The following RFLNA variants were observed in gnomAD, a reference collection of about 807,000 sequenced individuals.
RFLNA encodes refilin A.
In RFLNA, 5 loss-of-function variants were observed where a neutral mutation model predicts 7.8. That is an observed-to-expected ratio of 0.64 (90% CI 0.34 to 1.35). The LOEUF (loss-of-function observed/expected upper bound fraction) is 1.35. Ranked by LOEUF, RFLNA falls within the 40% of genes most tolerant of loss-of-function variation. The pLI is 0.04. For synonymous variants in RFLNA, 141 were observed against 131.3 expected (o/e 1.07, Z -0.50); for missense variants, 278 against 305.5 (o/e 0.91, Z 0.67).
At chr12:124,310,547 G>A (rs1395053666) in intron 1 of RFLNA, among the ~76,000 whole-genome samples, 1 of 146,844 alleles carries the variant, frequency 6.8e-6, no homozygotes, top group Non-Finnish European at 1.5e-5. Flanking sequence ...ATGGGGTAGG[G>A]GTCCTTAGGC....
At chr12:124,310,384 T>G (rs2034221294) in intron 1 of RFLNA, among the ~76,000 whole-genome samples, 2 of 147,764 alleles carry the variant, frequency 1.4e-5, no homozygotes, top group Non-Finnish European at 1.5e-5. Context: ...AAGAGTGGGG[T>G]AGGGGGAGGG....
chr12:124,296,126 C>CTTTCTTTCTTTCTTTCTTTCTT (rs1566320083), intron 1 of RFLNA, among the ~76,000 whole-genome samples: 3 of 1,522 alleles, frequency 2.0e-3, no homozygotes, highest in Admixed American at 0.013. Context: ...CTTTCTTTCT[C>CTTTCTTTCTTTCTTTCTTTCTT]TCTCTCTCTC....
In RFLNA at chr12:124,314,656, G is replaced by C. The variant is rs780671090; in HGVS notation, c.*131G>C. On this transcript the variant is annotated 3_prime_UTR_variant, in exon 3 of 3. Transcript: ENST00000546355. Reference sequence around the variant, plus strand: ...AGGGAGGCTGCCAGACCAAGGACCCGTGTGGAAGGAGGCGGCTCCCCGCTG... The same window carrying C: ...AGGGAGGCTGCCAGACCAAGGACCCCTGTGGAAGGAGGCGGCTCCCCGCTG... 31 of 1,455,686 alleles carry C rather than the reference G, an allele frequency of 2.1e-5. No individual in the cohort carries two copies. The highest frequency in any genetic ancestry group is 2.7e-5 in the Non-Finnish European group (29 of 1,074,476). The allele number at this position is 1,455,686 out of a possible 1,614,324, so 90.2% of individuals were successfully genotyped here.
At chr12:124,300,458 G>A (rs1417936386) in intron 1 of RFLNA, among the ~76,000 whole-genome samples, 2 of 152,214 alleles carry the variant, frequency 1.3e-5, no homozygotes, top group East Asian at 1.9e-4. Context: ...TGGGACCCTT[G>A]GGACTCTTGG....
intron 1 of RFLNA, among the ~76,000 whole-genome samples, chr12:124,301,128 C>T (rs1395759304): frequency 6.6e-6 from 1 of 152,062 alleles, no homozygotes. Context: ...TATGTCAGGA[C>T]AAGGTGGGAG....
chr12:124,306,507 C>T lies in RFLNA; in HGVS notation c.208-5311C>T, dbSNP rs1593034846. On this transcript the variant is annotated intron_variant, in intron 1 of 2. Coordinates refer to ENST00000546355, the MANE Select transcript of RFLNA (RefSeq NM_001365156.1). The surrounding 1 kb of genome is among the most constrained non-coding windows in gnomAD (Gnocchi z 5.2). ...CTGAGGGGGCAGCGATGAGACAGGC[C>T]CCTGGGCATGAAAGGCAGTGGAGGA... Among the ~76,000 whole-genome samples, 2 of 152,122 alleles carry T rather than the reference C, an allele frequency of 1.3e-5. No homozygotes were observed. The highest frequency in any genetic ancestry group is 4.2e-4 in the South Asian group (2 of 4,818).
Position 124,300,624 on chromosome 12 carries a change from GTGGA to G in RFLNA, c.207+5010_207+5013del, listed in dbSNP as rs575581309. ...GATGGATGGATGGACAGAAGAATGG[GTGGA>G]TGGATGGATGGATGGATGGATCGAT... On this transcript the variant is annotated intron_variant, in intron 1 of 2. Transcript: ENST00000546355. Among the ~76,000 whole-genome samples the G allele has an allele frequency of 5.4e-5, 8 of 148,730 alleles. No individual in the cohort carries two copies. In the South Asian group the frequency reaches 1.1e-3, roughly 21 times the overall value.
rs1234143054 is a variant in RFLNA at position 124,315,066 on chromosome 12, G to A, written c.*541G>A. 1 of 203,130 alleles carries A rather than the reference G, an allele frequency of 4.9e-6. No homozygotes were observed. Among genetic ancestry groups the A allele is most frequent in the Non-Finnish European group, 1.0e-5 (1 of 98,858 alleles). 12.6% of individuals were successfully genotyped at this position (203,130 alleles called of 1,614,324 possible). A position where few individuals can be genotyped will look rare whatever the true frequency, so the allele number is the denominator to read the frequency against. On this transcript the variant is annotated 3_prime_UTR_variant, in exon 3 of 3. Coordinates refer to ENST00000546355, the MANE Select transcript of RFLNA (RefSeq NM_001365156.1). ...CGCACACATGCAGGTTGCACCGAGA[G>A]GTCTGGAGCTGTGGCTGAGCCACCT...
intron 1 of RFLNA, among the ~76,000 whole-genome samples, chr12:124,295,886 C>T (rs1179191494): frequency 6.6e-6 from 1 of 151,744 alleles, no homozygotes; most frequent in Admixed American, 6.6e-5. Flanking sequence ...GTGATTCTTC[C>T]TATTGTCAGT....
Position 124,314,522 on chromosome 12 carries a change from C to T in RFLNA, c.648C>T (p.Leu216=). 1.3e-6 allele frequency: 2 copies of T among 1,574,350 alleles called. No homozygotes were observed. Among genetic ancestry groups the T allele is most frequent in the Non-Finnish European group, 1.7e-6 (2 of 1,166,918 alleles). The part of the protein sequence containing the change: ...PAPSLLGPAT[L] ...CCAGCCTCCTGGGCCCTGCCACGCT[C>T]TGACGGGGCTGGGGCCGGCCCGGGG... Residue 216 remains leucine (L), a synonymous_variant, in exon 3 of 3, where the codon CTC becomes CTT. Transcript: ENST00000546355.
At position 124,306,827 on chromosome 12, in the gene RFLNA, G is replaced by A. The variant is rs939555701; in HGVS notation, c.208-4991G>A. Among the ~76,000 whole-genome samples the A allele has an allele frequency of 6.6e-6, 1 of 152,148 alleles. No individual in the cohort carries two copies. The highest frequency in any genetic ancestry group is 1.5e-5 in the Non-Finnish European group (1 of 68,020). On this transcript the variant is annotated intron_variant, in intron 1 of 2. Coordinates refer to ENST00000546355, the MANE Select transcript of RFLNA (RefSeq NM_001365156.1). The surrounding 1 kb of genome is among the most constrained non-coding windows in gnomAD (Gnocchi z 5.2). The stretch of plus-strand genomic sequence containing the variant: ...CGGCGGGGAGGGGACAGATGTAGGA[G>A]ATATCAAGCTAGGTCCCTGCAGGAC...
chr12:124,303,794 C>T lies in RFLNA; in HGVS notation c.208-8024C>T, dbSNP rs577210806. 2.6e-5 allele frequency among the ~76,000 whole-genome samples: 4 copies of T among 152,296 alleles called. No homozygotes were observed. The East Asian group carries it at 7.7e-4, about 29-fold the overall frequency. On this transcript the variant is annotated intron_variant, in intron 1 of 2. Coordinates refer to ENST00000546355, the MANE Select transcript of RFLNA (RefSeq NM_001365156.1). ...GGCATCTCACCGGATTCTGTCTAGA[C>T]CAGAACAGGAGCCCGGGCCTGTGGG...
At chr12:124,294,643 G>A (rs2033873013), upstream of RFLNA, among the ~76,000 whole-genome samples, 1 of 152,126 alleles carries the variant, frequency 6.6e-6, no homozygotes, top group Non-Finnish European at 1.5e-5. Flanking sequence ...CCACCCTTAA[G>A]GCCCAAAGAG....
At chr12:124,293,368 C>A (rs73223549), upstream of RFLNA, among the ~76,000 whole-genome samples, 1 of 151,948 alleles carries the variant, frequency 6.6e-6, no homozygotes, top group African/African-American at 2.4e-5. Context: ...TAGTTCTTGC[C>A]GAAGACTTTC....
rs142004094 is a variant in RFLNA at position 124,311,822 on chromosome 12, C to G, written c.212C>G (p.Pro71Arg). Reference sequence around the variant, plus strand: ...TGTCCCTGGCTCTCCCCACAGCCCCCCTCCCAACTCCCAAATCCCCCGGCG... The same window carrying G: ...TGTCCCTGGCTCTCCCCACAGCCCCGCTCCCAACTCCCAAATCCCCCGGCG... ...PPGPSEARAPPSQLPNPPASE... is the reference protein window; with the variant it reads ...PPGPSEARAPRSQLPNPPASE... Residue 71 changes from proline (P) to arginine (R), a missense_variant, in exon 2 of 3, where the codon CCC (proline) becomes CGC (arginine). Coordinates refer to ENST00000546355, the MANE Select transcript of RFLNA (RefSeq NM_001365156.1). 302 of 1,588,708 alleles carry G rather than the reference C, an allele frequency of 1.9e-4. 2 individuals carry two copies. The East Asian group carries it at 5.7e-3, about 30-fold the overall frequency.
rs2034131287 is a variant in RFLNA, at chr12:124,306,028, T to C, written c.208-5790T>C. Among the ~76,000 whole-genome samples the C allele has an allele frequency of 6.6e-6, 1 of 152,118 alleles. No individual in the cohort carries two copies. Among genetic ancestry groups the C allele is most frequent in the African/African-American group, 2.4e-5 (1 of 41,442 alleles). ...CTGGGGTGACCGTGACTAGCAGGGA[T>C]GGGGCTCCTGGTGATGTTTGTCCAC... On this transcript the variant is annotated intron_variant, in intron 1 of 2. Coordinates refer to ENST00000546355, the MANE Select transcript of RFLNA (RefSeq NM_001365156.1). The surrounding 1 kb of genome is among the most constrained non-coding windows in gnomAD (Gnocchi z 5.2).
rs377569488 is a variant in RFLNA, at chr12:124,309,508, C to T, written c.208-2310C>T. 3.9e-5 allele frequency among the ~76,000 whole-genome samples: 6 copies of T among 152,234 alleles called. No homozygotes were observed. The East Asian group carries it at 7.7e-4, about 20-fold the overall frequency. On this transcript the variant is annotated intron_variant, in intron 1 of 2. Transcript: ENST00000546355. ...TCTGCTGTGGCCGCGAGCATCTCTT[C>T]GCATCTGCACTCATGCTTTCTCCAA...
rs2135697709 is a variant in RFLNA at position 124,314,854 on chromosome 12, A to G, written c.*329A>G. 1 of 487,906 alleles carries G rather than the reference A, an allele frequency of 2.0e-6. No individual in the cohort carries two copies. Among genetic ancestry groups the G allele is most frequent in the Non-Finnish European group, 4.0e-6 (1 of 251,270 alleles). 30.2% of individuals were successfully genotyped at this position (487,906 alleles called of 1,614,324 possible). A position where few individuals can be genotyped will look rare whatever the true frequency, so the allele number is the denominator to read the frequency against. ...GAATGGGTCCATGGAGTGCCCTTGAAGCAGAGAACAGCCCCGAGCAGTGTG... is the reference window on the plus strand; with the variant it reads ...GAATGGGTCCATGGAGTGCCCTTGAGGCAGAGAACAGCCCCGAGCAGTGTG... On this transcript the variant is annotated 3_prime_UTR_variant, in exon 3 of 3. Transcript: ENST00000546355.
chr12:124,297,294 T>C (rs1304105926), intron 1 of RFLNA, among the ~76,000 whole-genome samples: 1 of 152,144 alleles, frequency 6.6e-6, no homozygotes, highest in East Asian at 1.9e-4. Context: ...TCTACTTGAC[T>C]TTATTTTTTC....
Sources: allele counts gnomAD v4.1 joint callset (sites outside exome capture counted in the v4.1 genomes callset), GRCh38; gene constraint gnomAD v4.1.1; non-coding constraint Gnocchi (gnomAD v3.1); transcripts MANE v1.5; gene names NCBI Gene and HGNC (gene_info 2026-07-23, HGNC 2026-07-21).